The following NPTXR variants were observed in gnomAD, a reference collection of about 807,000 sequenced individuals.
NPTXR encodes the protein neuronal pentraxin receptor.
NPTXR carries 12 observed loss-of-function variants against 32.2 expected under a neutral mutation model. The ratio of observed to expected loss-of-function variants is 0.37; its 90% CI spans 0.24 to 0.60. The LOEUF (loss-of-function observed/expected upper bound fraction) is 0.60. Ranked by LOEUF, NPTXR falls within the 20% of genes least tolerant of loss-of-function variation. The probability of loss-of-function intolerance (pLI) is 0.66; values close to 1 mark genes in which losing one functional copy is unlikely to be tolerated. For missense variants in NPTXR, 612 were observed against 682.9 expected, an observed-to-expected ratio of 0.90 and a Z score of 1.16; for synonymous variants, 323 against 315.8, an observed-to-expected ratio of 1.02 and a Z score of -0.24.
Position 38,830,769 on chromosome 22 carries a change from A to T in NPTXR, c.625-2257T>A, listed in dbSNP as rs1208310452. On this transcript the variant is annotated intron_variant, in intron 1 of 4. Coordinates refer to ENST00000333039, the MANE Select transcript of NPTXR (RefSeq NM_014293.4). Reference sequence around the variant, plus strand: ...GGAGGGGCTGAGGATCAACCTCTCCATTCCAGGCTGTAAGATGGGGCAACA... The same window carrying T: ...GGAGGGGCTGAGGATCAACCTCTCCTTTCCAGGCTGTAAGATGGGGCAACA... Among the ~76,000 whole-genome samples the T allele has an allele frequency of 2.6e-5, 4 of 152,086 alleles. No individual in the cohort carries two copies. The South Asian group carries it at 8.3e-4, about 32-fold the overall frequency.
chr22:38,824,180 G>A (rs2093102722), intron 3 of NPTXR, among the ~76,000 whole-genome samples: 1 of 150,924 alleles, frequency 6.6e-6, no homozygotes. Context: ...AGTAGAAACG[G>A]CGGGATTTCA....
At chr22:38,835,173 T>G (rs983930145) in intron 1 of NPTXR, among the ~76,000 whole-genome samples, 1 of 152,188 alleles carries the variant, frequency 6.6e-6, no homozygotes, top group Admixed American at 6.5e-5. Flanking sequence ...CAAAGGCAAA[T>G]ATGGCCCCAT....
chr22:38,838,408 TATC>T (rs1035964670), intron 1 of NPTXR, among the ~76,000 whole-genome samples: 10 of 151,890 alleles, frequency 6.6e-5, no homozygotes, highest in African/African-American at 2.2e-4. Context: ...TGTTAGTTAT[TATC>T]AGCAGCAGCA....
Position 38,821,998 on chromosome 22 carries a change from A to G in NPTXR, c.*611T>C, listed in dbSNP as rs150261473. ...GAGGTGGGGCTGGGCCAGGCATGGAACCAACATTCAAACCGCTACACACAA... is the reference window on the plus strand; with the variant it reads ...GAGGTGGGGCTGGGCCAGGCATGGAGCCAACATTCAAACCGCTACACACAA... On this transcript the variant is annotated 3_prime_UTR_variant, in exon 5 of 5. Coordinates refer to ENST00000333039, the MANE Select transcript of NPTXR (RefSeq NM_014293.4). 455 of 148,030 alleles carry G rather than the reference A, an allele frequency of 3.1e-3. No homozygotes were observed. The highest frequency in any genetic ancestry group is 0.011 in the African/African-American group (433 of 39,074). The allele number at this position is 148,030 out of a possible 1,614,324, so 9.2% of individuals were successfully genotyped here.
At chr22:38,842,045 G>A (rs555900279) in intron 1 of NPTXR, among the ~76,000 whole-genome samples, 1 of 152,334 alleles carries the variant, frequency 6.6e-6, no homozygotes, top group East Asian at 1.9e-4. Context: ...GGAGGGTGCT[G>A]ACACCAGTAC....
At chr22:38,836,400 G>T (rs760644089) in intron 1 of NPTXR, among the ~76,000 whole-genome samples, 1 of 152,206 alleles carries the variant, frequency 6.6e-6, no homozygotes, top group Admixed American at 6.5e-5. Context: ...GCTCGTCCGC[G>T]CAACGGAACA....
intron 3 of NPTXR, among the ~76,000 whole-genome samples, chr22:38,824,887 C>T (rs1206644644): frequency 1.3e-5 from 2 of 152,176 alleles, no homozygotes; most frequent in African/African-American, 4.8e-5. Context: ...CCTCCTCCTC[C>T]CCCTCCAGAA....
rs1017807235 is a variant in NPTXR, at chr22:38,834,449, G to A, written c.625-5937C>T. ...TTCCTTCTCCAAGAACATTCTTCCC[G>A]CCCCCACCCCTCCTCTGCCCATTGC... On this transcript the variant is annotated intron_variant, in intron 1 of 4. Transcript: ENST00000333039. The surrounding 1 kb of genome is among the most constrained non-coding windows in gnomAD (Gnocchi z 4.4). Among the ~76,000 whole-genome samples the A allele has an allele frequency of 2.8e-5, 3 of 106,646 alleles. No individual in the cohort carries two copies. Among genetic ancestry groups the A allele is most frequent in the South Asian group, 3.1e-4 (1 of 3,240 alleles). 70.0% of individuals were successfully genotyped at this position (106,646 alleles called of 152,430 possible).
intron 1 of NPTXR, among the ~76,000 whole-genome samples, chr22:38,841,456 G>A (rs1274376470): frequency 1.3e-5 from 2 of 152,262 alleles, no homozygotes; most frequent in African/African-American, 4.8e-5. Context: ...GTCCAAGGCA[G>A]GTCCAAGCCT....
At chr22:38,832,160 C>T (rs950859109) in intron 1 of NPTXR, among the ~76,000 whole-genome samples, 17 of 152,202 alleles carry the variant, frequency 1.1e-4, no homozygotes, top group Admixed American at 4.6e-4. Context: ...GGCTCTGCAG[C>T]GGCCAGGAAG....
chr22:38,822,865 G>C lies in NPTXR; in HGVS notation c.1279-32C>G, dbSNP rs372453811. 15 of 1,589,360 alleles carry C rather than the reference G, an allele frequency of 9.4e-6. No homozygotes were observed. In the African/African-American group the frequency reaches 1.9e-4, roughly 20 times the overall value. ...CAAGACAGCAGCAGAGAAAGGAGAG[G>C]CATGGAGTGAGGGAGCAGAAAAGAC... On this transcript the variant is annotated intron_variant, in intron 4 of 4. Coordinates refer to ENST00000333039, the MANE Select transcript of NPTXR (RefSeq NM_014293.4).
chr22:38,843,720 A>G lies in NPTXR; in HGVS notation c.139T>C (p.Ser47Pro). 1 of 993,114 alleles carries G rather than the reference A, an allele frequency of 1.0e-6. No homozygotes were observed. The highest frequency in any genetic ancestry group is 1.2e-6 in the Non-Finnish European group (1 of 837,000). The allele number at this position is 993,114 out of a possible 1,614,324, so 61.5% of individuals were successfully genotyped here. The change falls in exon 1 of 5, where the codon TCG becomes CCG. Residue 47 changes from serine to proline, a missense_variant. Physicochemically the swap from Ser to Pro is moderately conservative, Grantham distance 74. Transcript: ENST00000333039. The surrounding 1 kb of genome is among the most constrained non-coding windows in gnomAD (Gnocchi z 5.3). ...GGGCCCGGGGACGCGGCGGCGCCCG[A>G]GGCGACCGAAGCATTGTCGGCGCCG...
At chr22:38,832,251 G>A (rs1045496042) in intron 1 of NPTXR, among the ~76,000 whole-genome samples, 7 of 152,196 alleles carry the variant, frequency 4.6e-5, no homozygotes, top group African/African-American at 1.7e-4. Context: ...CACGACTCCC[G>A]CACCCCCACT....
intron 1 of NPTXR, among the ~76,000 whole-genome samples, chr22:38,833,736 A>T (rs1807736): frequency 6.7e-6 from 1 of 149,500 alleles, no homozygotes; most frequent in Non-Finnish European, 1.5e-5. Context: ...GTGCAGTGGC[A>T]CGATCTCGGC....
At chr22:38,835,517 T>C (rs2093122682) in intron 1 of NPTXR, among the ~76,000 whole-genome samples, 3 of 151,936 alleles carry the variant, frequency 2.0e-5, no homozygotes, top group African/African-American at 7.3e-5. Context: ...AGGGATGGGG[T>C]TGGCCATGTA....
At chr22:38,832,993 C>A (rs982459291) in intron 1 of NPTXR, among the ~76,000 whole-genome samples, 1 of 152,106 alleles carries the variant, frequency 6.6e-6, no homozygotes, top group Admixed American at 6.6e-5. Context: ...GCAGGGAAAC[C>A]CCATCACCTT....
At chr22:38,831,696 C>T (rs2093116478) in intron 1 of NPTXR, among the ~76,000 whole-genome samples, 1 of 151,312 alleles carries the variant, frequency 6.6e-6, no homozygotes, top group South Asian at 2.1e-4. Flanking sequence ...GCTGGAAGGG[C>T]GGGCTGGGGC....
At chr22:38,835,143 A>G (rs1036638573) in intron 1 of NPTXR, among the ~76,000 whole-genome samples, 2 of 152,220 alleles carry the variant, frequency 1.3e-5, no homozygotes, top group African/African-American at 4.8e-5. Context: ...CCTCTTGCCA[A>G]GTGCCAGGTG....
intron 3 of NPTXR, among the ~76,000 whole-genome samples, chr22:38,826,201 C>A (rs1265594334): frequency 2.6e-5 from 4 of 152,200 alleles, no homozygotes; most frequent in African/African-American, 9.7e-5. Context: ...GACACCTCAG[C>A]CCTGTCCCAT....
Sources: gnomAD v4.1 joint callset for allele counts (sites outside exome capture counted in the v4.1 genomes callset) on GRCh38, gnomAD v4.1.1 for gene constraint, Gnocchi (gnomAD v3.1) non-coding constraint, MANE v1.5 for transcripts, NCBI Gene and HGNC (gene_info 2026-07-23, HGNC 2026-07-21) for gene names.